SLC44A3: variants seen among roughly 807,000 people sequenced by gnomAD.
The protein encoded by SLC44A3 is choline transporter-like protein 3.
Under a neutral mutation model 75.4 loss-of-function variants are expected in SLC44A3, and 74 were observed. That is an observed-to-expected ratio of 0.98 (90% CI 0.81 to 1.19). The LOEUF (loss-of-function observed/expected upper bound fraction) is 1.19. SLC44A3 is among the 50% of genes most tolerant of loss of function. The pLI is 0.00. For synonymous variants in SLC44A3, 310 were observed against 296.9 expected (o/e 1.04, Z -0.45); for missense variants, 700 against 778.6 (o/e 0.90, Z 1.20).
chr1:94,878,522 T>A (rs1465949409), intron 12 of SLC44A3, among the ~76,000 whole-genome samples: 1 of 152,198 alleles, frequency 6.6e-6, no homozygotes, highest in Admixed American at 6.5e-5. Flanking sequence ...TCAAAGGAGC[T>A]GCCCTTTCTT....
chr1:94,875,806 A>G (rs928636329), intron 12 of SLC44A3, among the ~76,000 whole-genome samples: 8 of 152,212 alleles, frequency 5.3e-5, no homozygotes, highest in Non-Finnish European at 7.4e-5. Flanking sequence ...GCCTTCTTTC[A>G]TAAGTCTGAA....
chr1:94,893,486 T>G (rs1670443302), intron 14 of SLC44A3, among the ~76,000 whole-genome samples: 1 of 152,074 alleles, frequency 6.6e-6, no homozygotes, highest in Non-Finnish European at 1.5e-5. Flanking sequence ...GTTCAAGCGA[T>G]TCTCCTGCCT....
chr1:94,870,679 C>T (rs1451598000), intron 12 of SLC44A3, among the ~76,000 whole-genome samples: 2 of 151,998 alleles, frequency 1.3e-5, no homozygotes, highest in African/African-American at 2.4e-5. Context: ...TTTTTGTTTT[C>T]GTTTTTGTTT....
At position 94,864,790 on chromosome 1, in the gene SLC44A3, T is replaced by G; in HGVS notation, c.1286T>G (p.Ile429Ser). 1 of 1,614,066 alleles carries G rather than the reference T, an allele frequency of 6.2e-7. No individual in the cohort carries two copies. Among genetic ancestry groups the G allele is most frequent in the Non-Finnish European group, 8.5e-7 (1 of 1,179,926 alleles). Residue 429 changes from isoleucine (I) to serine (S), a missense_variant, in exon 11 of 15, where the codon ATT becomes AGT. Ile to Ser is a moderately radical substitution (Grantham distance 142). Coordinates refer to ENST00000271227, the MANE Select transcript of SLC44A3 (RefSeq NM_001114106.3). ...CATCCCATCCTTTCGTCTCTCTCCA[T>G]TCTCTTCTTCTACCATCAAGGAACC... ...PDHPILSSLS[I>S]LFFYHQGTVV...
At chr1:94,874,446 A>G (rs1668069051) in intron 12 of SLC44A3, among the ~76,000 whole-genome samples, 1 of 152,256 alleles carries the variant, frequency 6.6e-6, no homozygotes, top group African/African-American at 2.4e-5. Flanking sequence ...CCCAGTGAGC[A>G]GCCGCCATGT....
chr1:94,887,313 T>G (rs1012631105), intron 12 of SLC44A3, among the ~76,000 whole-genome samples: 1 of 152,086 alleles, frequency 6.6e-6, no homozygotes, highest in Non-Finnish European at 1.5e-5. Context: ...CCGTATCCTG[T>G]GTCTTGAGTG....
intron 11 of SLC44A3, among the ~76,000 whole-genome samples, chr1:94,865,812 T>C (rs1164651268): frequency 6.6e-6 from 1 of 152,218 alleles, no homozygotes; most frequent in African/African-American, 2.4e-5. Context: ...TACCAATAGG[T>C]TTACATTGTA....
At chr1:94,854,651 C>T (rs2101215145) in intron 9 of SLC44A3, among the ~76,000 whole-genome samples, 1 of 152,368 alleles carries the variant, frequency 6.6e-6, no homozygotes, top group African/African-American at 2.4e-5. Flanking sequence ...TAGATCCAAC[C>T]TGTTTCCCGG....
At chr1:94,825,027 A>G (rs1661115135) in intron 3 of SLC44A3, among the ~76,000 whole-genome samples, 1 of 152,212 alleles carries the variant, frequency 6.6e-6, no homozygotes, top group Non-Finnish European at 1.5e-5. Context: ...TACCAATCGT[A>G]TATGTTTGAA....
chr1:94,881,765 G>T (rs1443540357), intron 12 of SLC44A3, among the ~76,000 whole-genome samples: 1 of 150,226 alleles, frequency 6.7e-6, no homozygotes, highest in Non-Finnish European at 1.5e-5. Context: ...TGTAATCCCA[G>T]CACTTTGGGA....
At chr1:94,826,357 A>G (rs1661341725) in intron 3 of SLC44A3, among the ~76,000 whole-genome samples, 1 of 152,232 alleles carries the variant, frequency 6.6e-6, no homozygotes, top group Non-Finnish European at 1.5e-5. Context: ...GTACACTTAG[A>G]AAGATTCAGA....
In SLC44A3 at chr1:94,857,510, G is replaced by T. The variant is rs368570937; in HGVS notation, c.1238+10G>T. On this transcript the variant is annotated intron_variant, in intron 10 of 14. Coordinates refer to ENST00000271227, the MANE Select transcript of SLC44A3 (RefSeq NM_001114106.3). ...CTTGTTATTTCAACAGGTAGGTCCA[G>T]TGTTTTTTTTCTATTGGTTTGTCTA... 9.8e-5 allele frequency: 157 copies of T among 1,602,448 alleles called. 1 individual carries two copies. The African/African-American group carries it at 1.8e-3, about 18-fold the overall frequency.
At chr1:94,845,535 C>A in intron 9 of SLC44A3, 71 bp downstream of exon 9, 4 of 1,455,494 alleles carry the variant, frequency 2.7e-6, no homozygotes, top group Non-Finnish European at 3.7e-6. Flanking sequence ...AACCACTGGC[C>A]TGTTTCTGTA....
intron 9 of SLC44A3, among the ~76,000 whole-genome samples, chr1:94,846,790 A>T (rs966445130): frequency 2.6e-5 from 4 of 152,278 alleles, no homozygotes; most frequent in African/African-American, 9.6e-5. Flanking sequence ...ATGTCAAATC[A>T]GCAAGGCTGA....
chr1:94,857,215 G>T, intron 9 of SLC44A3, 120 bp from the exon 10 acceptor site: 1 of 1,006,096 alleles, frequency 9.9e-7, no homozygotes, highest in South Asian at 1.9e-5. Flanking sequence ...GTGGGTACTT[G>T]ATTTTGGCAT....
chr1:94,878,091 G>A (rs61772585), intron 12 of SLC44A3, among the ~76,000 whole-genome samples: 2 of 151,924 alleles, frequency 1.3e-5, no homozygotes, highest in South Asian at 2.1e-4. Flanking sequence ...AAAATTAGCC[G>A]GGCGAGGTGG....
At chr1:94,845,066 A>T (rs183955993) in intron 8 of SLC44A3, among the ~76,000 whole-genome samples, 35 of 152,252 alleles carry the variant, frequency 2.3e-4, no homozygotes, top group Admixed American at 2.2e-3. Flanking sequence ...CTTCTTCGCT[A>T]TTATGTCTAT....
intron 8 of SLC44A3, chr1:94,843,450 G>C (rs1557828155): frequency 6.6e-6 from 1 of 152,210 alleles, no homozygotes. Flanking sequence ...GGTCTCCTCT[G>C]GGTGTCTTGC....
At chr1:94,823,260 C>A (rs1347408932) in intron 2 of SLC44A3, among the ~76,000 whole-genome samples, 2 of 152,212 alleles carry the variant, frequency 1.3e-5, no homozygotes, top group African/African-American at 4.8e-5. Flanking sequence ...AAGGACGAGA[C>A]AAGCATGTCA....
Sources: gnomAD v4.1 joint callset for allele counts (sites outside exome capture counted in the v4.1 genomes callset) on GRCh38, gnomAD v4.1.1 for gene constraint, MANE v1.5 for transcripts, NCBI Gene and HGNC (gene_info 2026-07-23, HGNC 2026-07-21) for gene names.